Variants in CCDC134 observed in about 807,000 individuals in gnomAD.
CCDC134 encodes the protein coiled-coil domain containing 134.
A neutral mutation model predicts 25.6 loss-of-function variants in CCDC134; 27 were observed. That is an observed-to-expected ratio of 1.05 (90% CI 0.78 to 1.45). The LOEUF (loss-of-function observed/expected upper bound fraction) is 1.45, where lower values mean the gene tolerates loss of function less well. Ranked by LOEUF, CCDC134 falls within the 40% of genes most tolerant of loss-of-function variation. The probability of loss-of-function intolerance (pLI) is 0.00; values close to 1 mark genes in which losing one functional copy is unlikely to be tolerated. For missense variants in CCDC134, 261 were observed against 286.7 expected (o/e 0.91, Z 0.65); for synonymous variants, 110 against 115.0 (o/e 0.96, Z 0.28).
At chr22:41,803,212 A>G (rs894810279) in intron 1 of CCDC134, among the ~76,000 whole-genome samples, 13 of 152,132 alleles carry the variant, frequency 8.5e-5, no homozygotes, top group Non-Finnish European at 1.5e-5. Flanking sequence ...ATAGGGAGCT[A>G]TGATTGTACC....
chr22:41,809,100 G>A, intron 2 of CCDC134, 107 bp downstream of exon 2: 2 of 856,306 alleles, frequency 2.3e-6, no homozygotes, highest in South Asian at 1.6e-5. Flanking sequence ...CGGGAACAGG[G>A]AGAAAAGGTG....
rs566980877 is a variant in CCDC134, at chr22:41,831,486, C to T, written c.*5663C>T. ...ACCGGTGTGAGCCACCGCGCCTGGC[C>T]AGATCCTTATTTTTTCAATTGCAAT... On this transcript the variant is annotated 3_prime_UTR_variant, in exon 7 of 7. Transcript: ENST00000255784. 4 of 152,340 alleles carry T rather than the reference C, an allele frequency of 2.6e-5. No homozygotes were observed. Among genetic ancestry groups the T allele is most frequent in the African/African-American group, 7.2e-5 (3 of 41,552 alleles). 9.4% of individuals were successfully genotyped at this position (152,340 alleles called of 1,614,324 possible).
intron 1 of CCDC134, among the ~76,000 whole-genome samples, chr22:41,800,999 G>T (rs1046712115): frequency 6.6e-6 from 1 of 152,224 alleles, no homozygotes; most frequent in South Asian, 2.1e-4. Context: ...ACCTCTGCAG[G>T]AGTTCAGAGC....
intron 6 of CCDC134, among the ~76,000 whole-genome samples, chr22:41,824,874 T>C (rs2076668871): frequency 6.6e-6 from 1 of 151,592 alleles, no homozygotes; most frequent in Non-Finnish European, 1.5e-5. Flanking sequence ...AGCAGAGAGA[T>C]GGGGGTGGTG....
At position 41,826,160 on chromosome 22, in the gene CCDC134, G is replaced by A. The variant is rs144231144; in HGVS notation, c.*337G>A. The A allele has an allele frequency of 3.3e-3, 767 of 229,136 alleles. 7 individuals are homozygous for A. Among genetic ancestry groups the A allele is most frequent in the African/African-American group, 0.015 (670 of 44,484 alleles). The allele number at this position is 229,136 out of a possible 1,614,324, so 14.2% of individuals were successfully genotyped here. On this transcript the variant is annotated 3_prime_UTR_variant, in exon 7 of 7. Coordinates refer to ENST00000255784, the MANE Select transcript of CCDC134 (RefSeq NM_024821.5). ...GCCAGCTGGCTTCCGCCCTTGGTGG[G>A]GAAGCAGCAGAACTAGGTTCTGAGC...
chr22:41,825,473 C>T lies in CCDC134; in HGVS notation c.565-225C>T, dbSNP rs1424184019. On this transcript the variant is annotated intron_variant, in intron 6 of 6. Coordinates refer to ENST00000255784, the MANE Select transcript of CCDC134 (RefSeq NM_024821.5). This position sits in a 1 kb window ranked among gnomAD's most constrained non-coding sequence, Gnocchi z 4.4. ...GTTCCCACCTCAGCATCCGTCCCTC[C>T]ACCTAGAATACCCTTCCCTTTCCTC... 6.6e-6 allele frequency among the ~76,000 whole-genome samples: 1 copy of T among 152,138 alleles called. No homozygotes were observed. Among genetic ancestry groups the T allele is most frequent in the Non-Finnish European group, 1.5e-5 (1 of 68,024 alleles).
At chr22:41,816,928 AAAAC>A (rs1335430345) in intron 6 of CCDC134, among the ~76,000 whole-genome samples, 2 of 151,780 alleles carry the variant, frequency 1.3e-5, no homozygotes, top group African/African-American at 4.9e-5. Flanking sequence ...AAAACAAAAC[AAAAC>A]AAAAAGCATA....
intron 1 of CCDC134, among the ~76,000 whole-genome samples, chr22:41,803,599 C>G (rs1029400245): frequency 2.0e-5 from 3 of 152,050 alleles, no homozygotes; most frequent in African/African-American, 7.2e-5. Context: ...GAAACCTCGT[C>G]TCTACAAAAA....
chr22:41,828,669 C>T lies in CCDC134; in HGVS notation c.*2846C>T, dbSNP rs1430597984. On this transcript the variant is annotated 3_prime_UTR_variant, in exon 7 of 7. Transcript: ENST00000255784. ...TGAGTCTTACTGCAGACAGAGCCCACCCCCTGAGCTGTAAAGGCCCTAGGG... is the reference window on the plus strand; with the variant it reads ...TGAGTCTTACTGCAGACAGAGCCCATCCCCTGAGCTGTAAAGGCCCTAGGG... Among the ~76,000 whole-genome samples the T allele has an allele frequency of 6.6e-6, 1 of 152,068 alleles. No individual in the cohort carries two copies. The highest frequency in any genetic ancestry group is 1.5e-5 in the Non-Finnish European group (1 of 68,038).
At chr22:41,817,989 A>G (rs1340931678) in intron 6 of CCDC134, among the ~76,000 whole-genome samples, 2 of 152,172 alleles carry the variant, frequency 1.3e-5, no homozygotes, top group African/African-American at 4.8e-5. Flanking sequence ...CTGCCCATGG[A>G]CACCTGTGTC....
chr22:41,801,106 T>A (rs190887320), intron 1 of CCDC134, among the ~76,000 whole-genome samples: 2 of 152,326 alleles, frequency 1.3e-5, no homozygotes, highest in East Asian at 1.9e-4. Context: ...AAGCAGGACC[T>A]GTCCCGCAGG....
intron 1 of CCDC134, among the ~76,000 whole-genome samples, chr22:41,802,339 AC>A (rs1398791082): frequency 6.6e-6 from 1 of 152,154 alleles, no homozygotes; most frequent in African/African-American, 2.4e-5. Context: ...GCTGGGACGG[AC>A]CTATCTTGGG....
intron 6 of CCDC134, among the ~76,000 whole-genome samples, chr22:41,818,322 C>G (rs1243752447): frequency 6.6e-6 from 1 of 152,136 alleles, no homozygotes; most frequent in African/African-American, 2.4e-5. Flanking sequence ...TACTTTTTGC[C>G]TAACATATCA....
chr22:41,810,069 A>G (rs999724246), intron 3 of CCDC134, 69 bp downstream of exon 3: 1 of 1,606,028 alleles, frequency 6.2e-7, no homozygotes, highest in Non-Finnish European at 8.5e-7. Context: ...GGTAAACAGG[A>G]GTTCCCTAAC....
chr22:41,813,692 T>A (rs1438772964), intron 5 of CCDC134, 59 bp from the exon 6 acceptor site: 1 of 1,539,488 alleles, frequency 6.5e-7, no homozygotes, highest in African/African-American at 1.4e-5. Context: ...AAGGAATGAC[T>A]CTCTGGTGAG....
chr22:41,811,483 C>A (rs2076596065), intron 4 of CCDC134, among the ~76,000 whole-genome samples: 1 of 152,142 alleles, frequency 6.6e-6, no homozygotes, highest in Non-Finnish European at 1.5e-5. Context: ...GGCTGGAGTG[C>A]AGTGACACAA....
chr22:41,814,579 AGGG>A (rs948495944), intron 6 of CCDC134, among the ~76,000 whole-genome samples: 6 of 150,030 alleles, frequency 4.0e-5, no homozygotes, highest in African/African-American at 9.8e-5. Flanking sequence ...AAAAAAAAAA[AGGG>A]GGGACAGATA....
At position 41,811,141 on chromosome 22, in the gene CCDC134, A is replaced by G. The variant is rs185059274; in HGVS notation, c.310+850A>G. 2.5e-3 allele frequency among the ~76,000 whole-genome samples: 383 copies of G among 152,254 alleles called. 2 individuals are homozygous for G. Among genetic ancestry groups the G allele is most frequent in the African/African-American group, 8.8e-3 (365 of 41,562 alleles). On this transcript the variant is annotated intron_variant, in intron 4 of 6. Coordinates refer to ENST00000255784, the MANE Select transcript of CCDC134 (RefSeq NM_024821.5). ...GGCCCTTTCTGACAGGCTGGCTCCA[A>G]TAGGGACTGCTTAGACCTGTTTACA...
intron 6 of CCDC134, among the ~76,000 whole-genome samples, chr22:41,814,186 A>G (rs2148312976): frequency 6.6e-6 from 1 of 152,312 alleles, no homozygotes; most frequent in East Asian, 1.9e-4. Flanking sequence ...CTGGGCTTCC[A>G]TCCCGCACTC....
Sources: allele counts gnomAD v4.1 joint callset (sites outside exome capture counted in the v4.1 genomes callset), GRCh38; gene constraint gnomAD v4.1.1; non-coding constraint Gnocchi (gnomAD v3.1); transcripts MANE v1.5; gene names NCBI Gene and HGNC (gene_info 2026-07-23, HGNC 2026-07-21).